Variants in CTNNA2 observed in about 807,000 individuals in gnomAD.
CTNNA2 encodes catenin alpha-2.
CTNNA2 carries 42 observed loss-of-function variants against 101.0 expected under a neutral mutation model. The observed-to-expected ratio is 0.42, with a 90% confidence interval of 0.32 to 0.54. The LOEUF is 0.54. Ranked by LOEUF, CTNNA2 falls within the 20% of genes least tolerant of loss-of-function variation. The pLI is 0.14. For synonymous variants in CTNNA2, 450 were observed against 456.4 expected, an observed-to-expected ratio of 0.99 and a Z score of 0.18; for missense variants, 871 against 1,223.1, an observed-to-expected ratio of 0.71 and a Z score of 4.29.
intron 4 of CTNNA2, among the ~76,000 whole-genome samples, chr2:79,863,593 T>C (rs1431594723): frequency 2.0e-5 from 3 of 152,194 alleles, no homozygotes; most frequent in Middle Eastern, 3.2e-3. Flanking sequence ...AGGGAACATT[T>C]AAATAATTCT....
In CTNNA2 at chr2:79,637,154, T is replaced by C. The variant is rs541079653; in HGVS notation, c.-5-14398T>C. Among the ~76,000 whole-genome samples the C allele has an allele frequency of 3.3e-5, 5 of 152,316 alleles. No individual in the cohort carries two copies. In the South Asian group the frequency reaches 1.0e-3, roughly 32 times the overall value. On this transcript the variant is annotated intron_variant, in intron 1 of 18. Coordinates refer to ENST00000402739, the MANE Select transcript of CTNNA2 (RefSeq NM_001282597.3). ...TGAAGGAGAAGGGAAGTATAGAATG[T>C]CAAGTGAGGAGTAGGATGGTGAAGG...
chr2:79,883,056 C>A (rs1280494031), intron 6 of CTNNA2, among the ~76,000 whole-genome samples: 1 of 152,130 alleles, frequency 6.6e-6, no homozygotes. Flanking sequence ...ACTTTGGTTG[C>A]GGTGAAGGAT....
intron 8 of CTNNA2, 82 bp from the exon 9 acceptor site, chr2:80,419,367 C>A: frequency 8.8e-7 from 1 of 1,134,758 alleles, no homozygotes; most frequent in South Asian, 1.5e-5. Flanking sequence ...GTAATGAGAG[C>A]TCAAAAACAG....
intron 7 of CTNNA2, among the ~76,000 whole-genome samples, chr2:80,236,372 A>G (rs1558929807): frequency 6.6e-6 from 1 of 152,298 alleles, no homozygotes; most frequent in Non-Finnish European, 1.5e-5. Flanking sequence ...CACTTTCTGT[A>G]TCTTGCACTG....
intron 2 of CTNNA2, among the ~76,000 whole-genome samples, chr2:79,218,063 A>G (rs1558577051): frequency 2.0e-5 from 3 of 152,212 alleles, no homozygotes; most frequent in African/African-American, 7.2e-5. Context: ...CAATCCCACA[A>G]AAGCCTCCCA....
At chr2:80,448,503 G>A (rs1683239210) in intron 9 of CTNNA2, among the ~76,000 whole-genome samples, 1 of 152,020 alleles carries the variant, frequency 6.6e-6, no homozygotes, top group South Asian at 2.1e-4. Flanking sequence ...ATTACCTGAG[G>A]AACTTCAAAA....
chr2:79,569,187 G>A (rs558062630), intron 1 of CTNNA2, among the ~76,000 whole-genome samples: 1 of 152,290 alleles, frequency 6.6e-6, no homozygotes, highest in East Asian at 1.9e-4. Context: ...AGCCAGAAGA[G>A]AAAGCATGAT....
intron 2 of CTNNA2, among the ~76,000 whole-genome samples, chr2:79,198,686 T>C (rs527898279): frequency 1.2e-4 from 19 of 152,344 alleles, no homozygotes; most frequent in African/African-American, 4.3e-4. Context: ...TACTCATTGA[T>C]CAATTTATCA....
chr2:79,629,758 G>C (rs983192529), intron 1 of CTNNA2, among the ~76,000 whole-genome samples: 9 of 152,190 alleles, frequency 5.9e-5, no homozygotes, highest in African/African-American at 2.2e-4. Flanking sequence ...GTGAGCAGCT[G>C]TCTGTATGGG....
chr2:79,758,225 C>T (rs1223226276), intron 3 of CTNNA2, among the ~76,000 whole-genome samples: 1 of 152,034 alleles, frequency 6.6e-6, no homozygotes, highest in Non-Finnish European at 1.5e-5. Flanking sequence ...AAAGCTAGGT[C>T]TGTAATTCAA....
intron 2 of CTNNA2, among the ~76,000 whole-genome samples, chr2:79,216,183 GC>G (rs1331096505): frequency 1.3e-5 from 2 of 152,178 alleles, no homozygotes; most frequent in East Asian, 1.9e-4. Flanking sequence ...TTGGGGTCAA[GC>G]GGCATTGTAG....
chr2:79,393,032 T>G (rs1307455057), intron 4 of CTNNA2, among the ~76,000 whole-genome samples: 1 of 152,194 alleles, frequency 6.6e-6, no homozygotes, highest in African/African-American at 2.4e-5. Context: ...ACCTGAGTTT[T>G]GAACTACAGC....
At chr2:79,552,012 C>T (rs765171223) in intron 1 of CTNNA2, among the ~76,000 whole-genome samples, 2 of 152,180 alleles carry the variant, frequency 1.3e-5, no homozygotes, top group Non-Finnish European at 2.9e-5. Context: ...ATTCTTCTCA[C>T]ATTTCATTCC....
intron 7 of CTNNA2, among the ~76,000 whole-genome samples, chr2:80,329,034 T>C (rs1671077755): frequency 6.6e-6 from 1 of 152,192 alleles, no homozygotes; most frequent in African/African-American, 2.4e-5. Context: ...TGTATAAGTT[T>C]ATATGTAAGT....
At chr2:79,837,828 G>A (rs1679504538) in intron 3 of CTNNA2, among the ~76,000 whole-genome samples, 1 of 152,100 alleles carries the variant, frequency 6.6e-6, no homozygotes, top group Non-Finnish European at 1.5e-5. Flanking sequence ...TAGCCTATGG[G>A]AAAATAACAC....
intron 7 of CTNNA2, among the ~76,000 whole-genome samples, chr2:80,144,577 A>G (rs1440035044): frequency 6.6e-6 from 1 of 152,156 alleles, no homozygotes; most frequent in East Asian, 1.9e-4. Flanking sequence ...TTTCCCTGTC[A>G]GAGGCCTGAG....
At chr2:80,126,052 T>C (rs946353185) in intron 7 of CTNNA2, among the ~76,000 whole-genome samples, 5 of 152,202 alleles carry the variant, frequency 3.3e-5, no homozygotes, top group Non-Finnish European at 4.4e-5. Flanking sequence ...TTGCCTGATA[T>C]AAACATTTCC....
chr2:79,877,902 C>G (rs1475760365), intron 6 of CTNNA2, among the ~76,000 whole-genome samples: 1 of 152,050 alleles, frequency 6.6e-6, no homozygotes. Flanking sequence ...GGTTTGTTAT[C>G]TAGGTTTACA....
chr2:79,825,979 G>A (rs1678406310), intron 3 of CTNNA2, among the ~76,000 whole-genome samples: 2 of 152,160 alleles, frequency 1.3e-5, no homozygotes, highest in Middle Eastern at 3.2e-3. Context: ...TGGAAGAACT[G>A]CAAGTGCCAT....
Sources: allele counts gnomAD v4.1 joint callset (sites outside exome capture counted in the v4.1 genomes callset), GRCh38; gene constraint gnomAD v4.1.1; transcripts MANE v1.5; gene names NCBI Gene and HGNC (gene_info 2026-07-23, HGNC 2026-07-21).